The following KCP variants were observed in gnomAD, a reference collection of about 807,000 sequenced individuals.
The protein encoded by KCP is kielin cysteine rich BMP regulator.
Under a neutral mutation model 212.7 loss-of-function variants are expected in KCP, and 194 were observed. The observed-to-expected ratio is 0.91, with a 90% CI of 0.81 to 1.03. The LOEUF (loss-of-function observed/expected upper bound fraction) is 1.03, where lower values mean the gene tolerates loss of function less well. Ranked by LOEUF, KCP falls within the 50% of genes least tolerant of loss-of-function variation. The pLI is 0.00. For missense variants in KCP, 2,080 were observed against 2,162.5 expected (o/e 0.96, Z 0.76); for synonymous variants, 833 against 865.3 (o/e 0.96, Z 0.65).
At chr7:128,898,370 A>T (rs1585240739) in intron 8 of KCP, among the ~76,000 whole-genome samples, 2 of 152,116 alleles carry the variant, frequency 1.3e-5, no homozygotes, top group Admixed American at 1.3e-4. Context: ...TATGACTCTT[A>T]ACTATACAAC....
intron 30 of KCP, 33 bp from the exon 31 acceptor site, chr7:128,881,758 C>T: frequency 6.6e-7 from 1 of 1,507,104 alleles, no homozygotes; most frequent in Non-Finnish European, 9.0e-7. Context: ...TAGAGAATGG[C>T]AGATCTCAGG....
At chr7:128,910,472 G>T in intron 1 of KCP, 129 bp downstream of exon 1, 2 of 845,058 alleles carry the variant, frequency 2.4e-6, no homozygotes, top group Non-Finnish European at 3.4e-6. Flanking sequence ...GAGCTGGCCA[G>T]GGAGGCGCGC....
chr7:128,892,474 G>A (rs749047458), intron 16 of KCP, 40 bp downstream of exon 16: 2 of 1,400,348 alleles, frequency 1.4e-6, no homozygotes, highest in Non-Finnish European at 1.9e-6. Flanking sequence ...AGCAGCCTCT[G>A]GGGCCCTGAT....
At chr7:128,884,689 C>G in intron 28 of KCP, 92 bp downstream of exon 28, 2 of 1,207,472 alleles carry the variant, frequency 1.7e-6, no homozygotes, top group Non-Finnish European at 2.4e-6. Context: ...AGTGCCTGCT[C>G]CATGCAGTGA....
In KCP at chr7:128,877,175, C is replaced by G. The variant is rs1415778593; in HGVS notation, c.4755G>C (p.Gln1585His). ...HCVRPCVPGC[Q>H]CPAGLVEHEA... Reference sequence around the variant, plus strand: ...CATGCTCCACCAGGCCTGCAGGGCACTGGCAGCCGGGCACGCAGGGCCTCA... The same window carrying G: ...CATGCTCCACCAGGCCTGCAGGGCAGTGGCAGCCGGGCACGCAGGGCCTCA... Residue 1585 changes from glutamine (Q) to histidine (H), a missense_variant, in exon 40 of 40, where the codon CAG (glutamine) becomes CAC (histidine). By Grantham distance (24) the Gln-to-His change is conservative. Coordinates refer to ENST00000610776, the MANE Select transcript of KCP (RefSeq NM_001366122.1). The G allele has an allele frequency of 1.1e-5, 16 of 1,490,342 alleles. No homozygotes were observed. Among genetic ancestry groups the G allele is most frequent in the East Asian group, 2.5e-5 (1 of 40,284 alleles). 92.3% of individuals were successfully genotyped at this position (1,490,342 alleles called of 1,614,324 possible).
intron 20 of KCP, among the ~76,000 whole-genome samples, 164 bp downstream of exon 20, chr7:128,890,741 C>T (rs963072408): frequency 2.6e-5 from 4 of 151,748 alleles, no homozygotes; most frequent in Non-Finnish European, 2.9e-5. Flanking sequence ...GATGGAGGGC[C>T]GTGCCGGCTG....
At chr7:128,893,668 C>T (rs1794328490) in intron 11 of KCP, 138 bp downstream of exon 11, 1 of 1,045,978 alleles carries the variant, frequency 9.6e-7, no homozygotes, top group Admixed American at 2.3e-5. Context: ...GCCAGTTTGC[C>T]ATGAGAAGGT....
chr7:128,884,245 G>A (rs893122474), intron 28 of KCP, 123 bp from the exon 29 acceptor site: 3 of 1,253,030 alleles, frequency 2.4e-6, no homozygotes, highest in Non-Finnish European at 3.2e-6. Flanking sequence ...CTTGGGCCCT[G>A]AACTCAAGGC....
At chr7:128,905,339 T>C (rs1795070430) in intron 5 of KCP, among the ~76,000 whole-genome samples, 1 of 152,210 alleles carries the variant, frequency 6.6e-6, no homozygotes, top group Non-Finnish European at 1.5e-5. Context: ...TTCTAGACTT[T>C]CATTTGCTAA....
chr7:128,908,251 GAAGAAAGAAAGAAAGAAAGAAAGAA>G (rs1795243134), intron 2 of KCP, among the ~76,000 whole-genome samples, 150 bp downstream of exon 2: 1 of 101,206 alleles, frequency 9.9e-6, no homozygotes, highest in Admixed American at 1.0e-4. Flanking sequence ...AAGAAAGAAA[GAAGAAAGAAAGAAAGAAAGAAAGAA>G]AGAAAGAAAG....
chr7:128,908,160 AG>A (rs1795223472), intron 2 of KCP, among the ~76,000 whole-genome samples: 1 of 86,022 alleles, frequency 1.2e-5, no homozygotes, highest in African/African-American at 7.9e-5. Context: ...AGAGAGAGAA[AG>A]AGAGAAGAAG....
chr7:128,893,222 C>T lies in KCP; in HGVS notation c.1267+16G>A. Reference sequence around the variant, plus strand: ...GCAGCGCCCATAGCAGCTGCTCCTCCCCCTCTCACACACACCTGGGCAGAG... The same window carrying T: ...GCAGCGCCCATAGCAGCTGCTCCTCTCCCTCTCACACACACCTGGGCAGAG... On this transcript the variant is annotated intron_variant, in intron 13 of 39. Transcript: ENST00000610776. 6.5e-7 allele frequency: 1 copy of T among 1,550,140 alleles called. No individual in the cohort carries two copies. The highest frequency in any genetic ancestry group is 8.7e-7 in the Non-Finnish European group (1 of 1,146,552).
rs1038381272 is a variant in KCP, at chr7:128,906,155, G to C, written c.571+124C>G. 1.2e-5 allele frequency: 9 copies of C among 776,436 alleles called. No individual in the cohort carries two copies. In the African/African-American group the frequency reaches 1.5e-4, roughly 13 times the overall value. 48.1% of individuals were successfully genotyped at this position (776,436 alleles called of 1,614,324 possible). On this transcript the variant is annotated intron_variant, in intron 5 of 39. Coordinates refer to ENST00000610776, the MANE Select transcript of KCP (RefSeq NM_001366122.1). ...TGTGCATGGGTTCTGCACTCCCCTG[G>C]CCACTGTCAGAGTGAGTGGGTAGGC... is the stretch of plus-strand genomic sequence containing the variant.
At chr7:128,893,533 A>T in intron 11 of KCP, 57 bp from the exon 12 acceptor site, 2 of 1,337,388 alleles carry the variant, frequency 1.5e-6, no homozygotes, top group African/African-American at 1.5e-5. Flanking sequence ...GGGAAGCTTC[A>T]CGTCACCCTG....
At chr7:128,884,926 G>A in intron 27 of KCP, 63 bp from the exon 28 acceptor site, 2 of 1,507,220 alleles carry the variant, frequency 1.3e-6, no homozygotes, top group South Asian at 1.2e-5. Context: ...CGAGGCAGGG[G>A]TGGAGTCCTC....
chr7:128,891,379 G>A (rs1794120885), intron 18 of KCP, 72 bp downstream of exon 18: 1 of 1,546,418 alleles, frequency 6.5e-7, no homozygotes, highest in Admixed American at 2.0e-5. Flanking sequence ...TCCCACCTGG[G>A]CGGGCCTCTC....
chr7:128,893,199 A>C, intron 13 of KCP, 39 bp downstream of exon 13: 1 of 1,537,454 alleles, frequency 6.5e-7, no homozygotes, highest in Non-Finnish European at 8.8e-7. Flanking sequence ...CCTCAGAGGC[A>C]GCGCCCATAG....
chr7:128,897,760 G>A (rs1563046069), intron 8 of KCP, among the ~76,000 whole-genome samples: 1 of 152,214 alleles, frequency 6.6e-6, no homozygotes, highest in Admixed American at 6.5e-5. Context: ...TTAGATTCTA[G>A]ATAAGGCCTG....
Position 128,907,455 on chromosome 7 carries a change from TGGA to T in KCP, c.220-5_220-3del. ...CACCCTCGTCTGCAGGTCCTTATTC[TGGA>T]GGAAGGAGATGGAATAGCAGGCACT... On this transcript the variant is annotated splice_region_variant and splice_polypyrimidine_tract_variant and intron_variant, in intron 2 of 39. Coordinates refer to ENST00000610776, the MANE Select transcript of KCP (RefSeq NM_001366122.1). 2 of 1,473,204 alleles carry T rather than the reference TGGA, an allele frequency of 1.4e-6. No homozygotes were observed. The highest frequency in any genetic ancestry group is 1.8e-6 in the Non-Finnish European group (2 of 1,102,564). 91.3% of individuals were successfully genotyped at this position (1,473,204 alleles called of 1,614,324 possible).
Sources: allele counts gnomAD v4.1 joint callset (sites outside exome capture counted in the v4.1 genomes callset), GRCh38; gene constraint gnomAD v4.1.1; transcripts MANE v1.5; gene names NCBI Gene and HGNC (gene_info 2026-07-23, HGNC 2026-07-21).